The following SHROOM3 variants were observed in gnomAD, a reference collection of about 807,000 sequenced individuals.
The protein encoded by SHROOM3 is protein Shroom3.
Under a neutral mutation model 138.6 loss-of-function variants are expected in SHROOM3, and 47 were observed. The ratio of observed to expected loss-of-function variants is 0.34; its 90% confidence interval spans 0.27 to 0.43. The LOEUF (loss-of-function observed/expected upper bound fraction) is 0.43. SHROOM3 is among the 20% of genes least tolerant of loss of function. SHROOM3 has a pLI of 1.00. For synonymous variants in SHROOM3, 1,062 were observed against 1,063.3 expected (o/e 1.00, Z 0.02); for missense variants, 2,491 against 2,596.5 (o/e 0.96, Z 0.88).
chr4:76,547,645 C>A (rs1733251504), intron 1 of SHROOM3, among the ~76,000 whole-genome samples: 1 of 152,080 alleles, frequency 6.6e-6, no homozygotes, highest in African/African-American at 2.4e-5. Context: ...AAATAGAGTT[C>A]ATGGCCAGGC....
intron 1 of SHROOM3, among the ~76,000 whole-genome samples, chr4:76,464,874 C>A (rs1731220219): frequency 6.6e-6 from 1 of 152,146 alleles, no homozygotes; most frequent in African/African-American, 2.4e-5. Context: ...GCTGTGCTTC[C>A]TGTAGAGCCT....
rs557715900 is a variant in SHROOM3, at chr4:76,639,607, A to C, written c.324-70549A>C. The C allele has an allele frequency of 6.3e-5, 25 of 398,344 alleles. No homozygotes were observed. In the East Asian group the frequency reaches 8.9e-4, roughly 14 times the overall value. The allele number at this position is 398,344 out of a possible 1,614,324, so 24.7% of individuals were successfully genotyped here. ...GCTGCCTGGCTCTGATGCTTCCCAG[A>C]CTTGGGACCCAAAACTCAAGAAGAC... On this transcript the variant is annotated intron_variant, in intron 2 of 10. Coordinates refer to ENST00000296043, the MANE Select transcript of SHROOM3 (RefSeq NM_020859.4).
chr4:76,682,826 T>A lies in SHROOM3; in HGVS notation c.324-27330T>A, dbSNP rs79515656. On this transcript the variant is annotated intron_variant, in intron 2 of 10. Transcript: ENST00000296043. ...ATTCTAGCCATAGAAATTAATTCCT[T>A]GTCTCCAGGAAAGAAAAGGGTATAA... 6.7e-3 allele frequency among the ~76,000 whole-genome samples: 1,016 copies of A among 152,346 alleles called. 10 individuals carry two copies. Among genetic ancestry groups the A allele is most frequent in the African/African-American group, 0.023 (975 of 41,582 alleles).
At chr4:76,448,930 C>A (rs2109968490) in intron 1 of SHROOM3, among the ~76,000 whole-genome samples, 1 of 152,290 alleles carries the variant, frequency 6.6e-6, no homozygotes, top group South Asian at 2.1e-4. Context: ...TTCTTGGGTA[C>A]TAAGGAAAGT....
rs192557734 is a variant in SHROOM3, at chr4:76,761,623, T to C, written c.5349+1928T>C. Among the ~76,000 whole-genome samples the C allele has an allele frequency of 7.2e-5, 11 of 152,352 alleles. No homozygotes were observed. The East Asian group carries it at 1.9e-3, about 27-fold the overall frequency. On this transcript the variant is annotated intron_variant, in intron 9 of 10. Coordinates refer to ENST00000296043, the MANE Select transcript of SHROOM3 (RefSeq NM_020859.4). Reference sequence around the variant, plus strand: ...CAGGTCAGCTGCCTTTAAACCTTGCTGCCCTGGGAACTGAGCTAAACTGGA... The same window carrying C: ...CAGGTCAGCTGCCTTTAAACCTTGCCGCCCTGGGAACTGAGCTAAACTGGA...
intron 1 of SHROOM3, among the ~76,000 whole-genome samples, chr4:76,475,609 A>G (rs531015728): frequency 9.9e-5 from 15 of 152,250 alleles, no homozygotes; most frequent in Non-Finnish European, 2.2e-4. Flanking sequence ...AAAATATTCA[A>G]TGCAGAAGTT....
At chr4:76,546,331 T>TTAGGATGAGATGAGAGGTAGA in intron 1 of SHROOM3, among the ~76,000 whole-genome samples, 1 of 152,304 alleles carries the variant, frequency 6.6e-6, no homozygotes, top group South Asian at 2.1e-4. Context: ...ATGTAATGAT[T>TTAGGATGAGATGAGAGGTAGA]TAGGATGAGA....
At chr4:76,555,161 G>A (rs1024696690) in intron 1 of SHROOM3, among the ~76,000 whole-genome samples, 2 of 151,912 alleles carry the variant, frequency 1.3e-5, no homozygotes, top group East Asian at 1.9e-4. Context: ...CTTGAACCAC[G>A]CCAAAACCAT....
intron 2 of SHROOM3, among the ~76,000 whole-genome samples, chr4:76,585,091 C>T (rs1734125738): frequency 6.6e-6 from 1 of 152,116 alleles, no homozygotes; most frequent in Non-Finnish European, 1.5e-5. Context: ...ATTAGTATCA[C>T]CTTTGAAATG....
chr4:76,590,503 A>G (rs1472008888), intron 2 of SHROOM3, among the ~76,000 whole-genome samples: 2 of 142,206 alleles, frequency 1.4e-5, no homozygotes, highest in African/African-American at 2.6e-5. Context: ...CTTCTCAAGA[A>G]TGGTGCTTTT....
At chr4:76,508,401 T>C (rs1277808128) in intron 1 of SHROOM3, among the ~76,000 whole-genome samples, 1 of 152,228 alleles carries the variant, frequency 6.6e-6, no homozygotes, top group Non-Finnish European at 1.5e-5. Context: ...ACAATTCTAT[T>C]ATATTCTATT....
At chr4:76,723,869 A>G (rs1019152654) in intron 3 of SHROOM3, among the ~76,000 whole-genome samples, 3 of 152,220 alleles carry the variant, frequency 2.0e-5, no homozygotes, top group Non-Finnish European at 4.4e-5. Context: ...TTTTGAGTGA[A>G]TGAATGATGC....
chr4:76,555,389 C>T (rs1015292845), intron 1 of SHROOM3, among the ~76,000 whole-genome samples: 1 of 152,094 alleles, frequency 6.6e-6, no homozygotes, highest in Non-Finnish European at 1.5e-5. Flanking sequence ...TGTTTAAGGG[C>T]GCCCTCCCTG....
chr4:76,575,104 A>G (rs957528930), intron 2 of SHROOM3, among the ~76,000 whole-genome samples: 1 of 152,230 alleles, frequency 6.6e-6, no homozygotes, highest in South Asian at 2.1e-4. Flanking sequence ...AAACCAGATG[A>G]TCATTTCAAG....
intron 3 of SHROOM3, among the ~76,000 whole-genome samples, chr4:76,714,663 C>A (rs765917988): frequency 2.0e-5 from 3 of 152,204 alleles, no homozygotes; most frequent in Non-Finnish European, 2.9e-5. Context: ...ACTTTCTTCA[C>A]TGATCTTGGC....
Position 76,441,082 on chromosome 4 carries a change from A to ATTTGTT in SHROOM3, c.168+4866_168+4871dup, listed in dbSNP as rs1553913327. Among the ~76,000 whole-genome samples, 4 of 55,984 alleles carry ATTTGTT rather than the reference A, an allele frequency of 7.1e-5. 1 individual carries two copies. The highest frequency in any genetic ancestry group is 4.5e-4 in the Admixed American group (2 of 4,484). 36.7% of individuals were successfully genotyped at this position (55,984 alleles called of 152,430 possible). A position where few individuals can be genotyped will look rare whatever the true frequency, so the allele number is the denominator to read the frequency against. ...TTCTTCAGCCACAGTCCTGAGTTCAATTTGTTTTTTTTTTTTTTTTTTTTT... is the reference window on the plus strand; with the variant it reads ...TTCTTCAGCCACAGTCCTGAGTTCAATTTGTTTTTGTTTTTTTTTTTTTTTTTTTTT... On this transcript the variant is annotated intron_variant, in intron 1 of 10. Transcript: ENST00000296043.
At position 76,739,859 on chromosome 4, in the gene SHROOM3, G is replaced by A; in HGVS notation, c.1686G>A (p.Val562=). The change falls in exon 5 of 11, where the codon GTG becomes GTA. Residue 562 remains valine (V), a synonymous_variant. Coordinates refer to ENST00000296043, the MANE Select transcript of SHROOM3 (RefSeq NM_020859.4). ...CCTCCAAAGTCCATTTCTGTTCAGT[G>A]CCTGAAAATGAGGAGGATGCCTCCC... The part of the protein sequence containing the change: ...YVPSKVHFCS[V]PENEEDASLK... 6.2e-7 allele frequency: 1 copy of A among 1,614,200 alleles called. No homozygotes were observed. Among genetic ancestry groups the A allele is most frequent in the Non-Finnish European group, 8.5e-7 (1 of 1,180,044 alleles).
chr4:76,438,883 G>A (rs1298852582), intron 1 of SHROOM3, among the ~76,000 whole-genome samples: 1 of 152,056 alleles, frequency 6.6e-6, no homozygotes, highest in Non-Finnish European at 1.5e-5. Context: ...CACAGAGTAG[G>A]CACTCAATAA....
At chr4:76,593,256 TAATC>T (rs751227213) in intron 2 of SHROOM3, among the ~76,000 whole-genome samples, 1 of 152,290 alleles carries the variant, frequency 6.6e-6, no homozygotes, top group East Asian at 1.9e-4. Context: ...AGAGGCTGAT[TAATC>T]AATCAATAGT....
Sources: gnomAD v4.1 joint callset for allele counts (sites outside exome capture counted in the v4.1 genomes callset) on GRCh38, gnomAD v4.1.1 for gene constraint, MANE v1.5 for transcripts, NCBI Gene and HGNC (gene_info 2026-07-23, HGNC 2026-07-21) for gene names.